TRIO: variants seen among roughly 807,000 people sequenced by gnomAD.
TRIO encodes trio Rho guanine nucleotide exchange factor.
TRIO carries 58 observed loss-of-function variants against 351.9 expected under a neutral mutation model. That is an observed-to-expected ratio of 0.16 (90% CI 0.13 to 0.21). TRIO has a LOEUF of 0.21. Ranked by LOEUF, TRIO falls within the 10% of genes least tolerant of loss-of-function variation. TRIO has a pLI of 1.00. For missense variants in TRIO, 3,201 were observed against 4,027.8 expected (o/e 0.79, Z 5.56); for synonymous variants, 1,758 against 1,595.7 (o/e 1.10, Z -2.42).
intron 9 of TRIO, among the ~76,000 whole-genome samples, chr5:14,328,575 A>G (rs1241353868): frequency 6.6e-6 from 1 of 152,282 alleles, no homozygotes; most frequent in African/African-American, 2.4e-5. Flanking sequence ...TACATTAGTT[A>G]AAATGGAATA....
chr5:14,358,554 C>T (rs1236561724), intron 12 of TRIO, among the ~76,000 whole-genome samples: 1 of 151,562 alleles, frequency 6.6e-6, no homozygotes, highest in Admixed American at 6.6e-5. Context: ...ACAGTTTTAA[C>T]TTCATAATAG....
At chr5:14,238,108 A>C (rs1391510236) in intron 1 of TRIO, among the ~76,000 whole-genome samples, 1 of 152,212 alleles carries the variant, frequency 6.6e-6, no homozygotes, top group African/African-American at 2.4e-5. Context: ...AACTTTATAC[A>C]TGAGAAAGTA....
chr5:14,493,225 GA>G (rs1257568057), intron 49 of TRIO, among the ~76,000 whole-genome samples: 1 of 148,612 alleles, frequency 6.7e-6, no homozygotes, highest in African/African-American at 2.6e-5. Flanking sequence ...GACCAGTAGG[GA>G]GCGTGCGGAG....
At chr5:14,208,344 C>G (rs142956466) in intron 1 of TRIO, among the ~76,000 whole-genome samples, 79 of 152,356 alleles carry the variant, frequency 5.2e-4, no homozygotes, top group Middle Eastern at 3.4e-3. Context: ...GAACAAATTT[C>G]TGACACATGC....
At chr5:14,388,778 A>C in intron 24 of TRIO, 99 bp downstream of exon 24, 1 of 1,352,178 alleles carries the variant, frequency 7.4e-7, no homozygotes, top group South Asian at 1.4e-5. Flanking sequence ...GAATAATCAC[A>C]ATTTTTTTCT....
intron 11 of TRIO, among the ~76,000 whole-genome samples, chr5:14,346,243 T>C (rs1241949225): frequency 6.6e-6 from 1 of 152,206 alleles, no homozygotes; most frequent in Non-Finnish European, 1.5e-5. Context: ...AGCTGTGATG[T>C]TGATGAACGA....
At chr5:14,446,996 C>T (rs770126414) in intron 34 of TRIO, among the ~76,000 whole-genome samples, 1 of 152,082 alleles carries the variant, frequency 6.6e-6, no homozygotes, top group Admixed American at 6.6e-5. Context: ...TTTGGGAGGC[C>T]GAGGTGGGCA....
rs201729604 is a variant in TRIO, at chr5:14,336,541, A to G, written c.1860A>G (p.Thr620=). 34 of 1,614,160 alleles carry G rather than the reference A, an allele frequency of 2.1e-5. No individual in the cohort carries two copies. The highest frequency in any genetic ancestry group is 1.8e-4 in the Admixed American group (11 of 60,032). Residue 620 remains threonine (T), a synonymous_variant, in exon 11 of 57, where the codon ACA becomes ACG. Coordinates refer to ENST00000344204, the MANE Select transcript of TRIO (RefSeq NM_007118.4). ...TGGGATGTTCTCTTGTGCAGAACAC[A>G]TACACCAATGCGGATAAATTACTGG... ...HEDFEEVAQN[T]YTNADKLLEA... is the part of the protein sequence containing the mutation.
Position 14,199,195 on chromosome 5 carries a change from C to CAAAAA in TRIO, c.157+55333_157+55337dup, listed in dbSNP as rs58856067. On this transcript the variant is annotated intron_variant, in intron 1 of 56. Transcript: ENST00000344204. ...CCAGCCTGGGCAACAGAGTGGGACT[C>CAAAAA]AAAAAAAAAAAAAAAAAAAAAAAAC... Among the ~76,000 whole-genome samples the CAAAAA allele has an allele frequency of 9.7e-3, 701 of 72,590 alleles. 16 individuals carry two copies. Among genetic ancestry groups the CAAAAA allele is most frequent in the East Asian group, 0.014 (23 of 1,644 alleles). 47.6% of individuals were successfully genotyped at this position (72,590 alleles called of 152,430 possible).
intron 1 of TRIO, among the ~76,000 whole-genome samples, chr5:14,204,002 G>A (rs1012270363): frequency 6.6e-6 from 1 of 152,208 alleles, no homozygotes; most frequent in Non-Finnish European, 1.5e-5. Flanking sequence ...ACAAATGTAG[G>A]AAGAATTGAA....
chr5:14,507,096 A>G, intron 55 of TRIO, 26 bp from the exon 56 acceptor site: 1 of 1,556,896 alleles, frequency 6.4e-7, no homozygotes, highest in Non-Finnish European at 8.7e-7. Context: ...TCGCATCATA[A>G]CAGTCACCCG....
rs983064106 is a variant in TRIO at position 14,509,268 on chromosome 5, G to A, written c.*846G>A. On this transcript the variant is annotated 3_prime_UTR_variant, in exon 57 of 57. Transcript: ENST00000344204. ...GTTTTTTGGTTTTACTTCATATCAT[G>A]TGCAATGTTGTGGCTTTAACATTTT... 1 of 366,910 alleles carries A rather than the reference G, an allele frequency of 2.7e-6. No individual in the cohort carries two copies. Among genetic ancestry groups the A allele is most frequent in the Non-Finnish European group, 5.3e-6 (1 of 189,782 alleles). The allele number at this position is 366,910 out of a possible 1,614,324, so 22.7% of individuals were successfully genotyped here.
chr5:14,330,029 C>T (rs955454397), intron 9 of TRIO, among the ~76,000 whole-genome samples: 2 of 152,164 alleles, frequency 1.3e-5, no homozygotes, highest in South Asian at 2.1e-4. Flanking sequence ...ATTTCAAACC[C>T]ATATTGTTCG....
intron 1 of TRIO, among the ~76,000 whole-genome samples, chr5:14,166,904 C>T (rs1474719263): frequency 2.0e-5 from 3 of 152,130 alleles, no homozygotes; most frequent in Non-Finnish European, 4.4e-5. Flanking sequence ...TCAGCAAAAG[C>T]AGCTACCCCT....
At chr5:14,148,378 A>G (rs984381066) in intron 1 of TRIO, among the ~76,000 whole-genome samples, 2 of 152,176 alleles carry the variant, frequency 1.3e-5, no homozygotes, top group African/African-American at 4.8e-5. Context: ...GCTGTATTCA[A>G]TATTTACTTT....
intron 17 of TRIO, 144 bp downstream of exon 17, chr5:14,369,043 T>A: frequency 9.6e-7 from 1 of 1,042,474 alleles, no homozygotes; most frequent in Non-Finnish European, 1.4e-6. Context: ...ATTCTGGAGT[T>A]AAAATTATTC....
At chr5:14,494,996 C>G (rs1756771964) in intron 49 of TRIO, among the ~76,000 whole-genome samples, 2 of 152,200 alleles carry the variant, frequency 1.3e-5, no homozygotes. Flanking sequence ...AATTGAAAAC[C>G]TTGTGGAGAG....
Position 14,508,638 on chromosome 5 carries a change from G to T in TRIO, c.*216G>T, listed in dbSNP as rs1389344222. On this transcript the variant is annotated 3_prime_UTR_variant, in exon 57 of 57. Coordinates refer to ENST00000344204, the MANE Select transcript of TRIO (RefSeq NM_007118.4). ...CACTTACACTCTGCCCAAGGCAGAG[G>T]TCGCATTGCTGTATCACAGTATTTT... The T allele has an allele frequency of 1.9e-6, 1 of 524,816 alleles. No individual in the cohort carries two copies. Among genetic ancestry groups the T allele is most frequent in the Non-Finnish European group, 3.3e-6 (1 of 303,794 alleles). The allele number at this position is 524,816 out of a possible 1,614,324, so 32.5% of individuals were successfully genotyped here. A position where few individuals can be genotyped will look rare whatever the true frequency, so the allele number is the denominator to read the frequency against.
At chr5:14,471,009 G>A (rs985499193) in intron 37 of TRIO, among the ~76,000 whole-genome samples, 1 of 152,054 alleles carries the variant, frequency 6.6e-6, no homozygotes, top group African/African-American at 2.4e-5. Flanking sequence ...TCCAAAAATG[G>A]GTGCAGTACT....
Sources: allele counts gnomAD v4.1 joint callset (sites outside exome capture counted in the v4.1 genomes callset), GRCh38; gene constraint gnomAD v4.1.1; transcripts MANE v1.5; gene names NCBI Gene and HGNC (gene_info 2026-07-23, HGNC 2026-07-21).